Variants in DIAPH1 observed in about 807,000 individuals in gnomAD.
DIAPH1 encodes the protein diaphanous related formin 1.
Under a neutral mutation model 140.7 loss-of-function variants are expected in DIAPH1, and 46 were observed. That is an observed-to-expected ratio of 0.33 (90% CI 0.26 to 0.42). DIAPH1 has a LOEUF of 0.42. Among genes scored for constraint, DIAPH1 ranks in the 10% least tolerant of loss-of-function variants. The pLI is 1.00. For missense variants in DIAPH1, 1,310 were observed against 1,558.7 expected (o/e 0.84, Z 2.69); for synonymous variants, 565 against 551.6 (o/e 1.02, Z -0.34).
At chr5:141,541,750 A>C (rs1280350665) in intron 18 of DIAPH1, among the ~76,000 whole-genome samples, 1 of 151,990 alleles carries the variant, frequency 6.6e-6, no homozygotes, top group Non-Finnish European at 1.5e-5. Flanking sequence ...TAGAAAGAGA[A>C]ATAAAGTACC....
rs752879485 is a variant in DIAPH1, at chr5:141,574,958, A to AG, written c.1641+8dup. Reference sequence around the variant, plus strand: ...ACAGGTCATTCTGCCTTCCCTGCTCAGGCATTACCTCTCCTGTGAGCTGGG... The same window carrying AG: ...ACAGGTCATTCTGCCTTCCCTGCTCAGGGCATTACCTCTCCTGTGAGCTGGG... On this transcript the variant is annotated intron_variant, in intron 15 of 27. Transcript: ENST00000389054. The AG allele has an allele frequency of 6.2e-7, 1 of 1,614,012 alleles. No homozygotes were observed. Among genetic ancestry groups the AG allele is most frequent in the African/African-American group, 1.3e-5 (1 of 74,914 alleles).
intron 27 of DIAPH1, among the ~76,000 whole-genome samples, chr5:141,523,727 C>T (rs537406096): frequency 9.9e-5 from 15 of 151,166 alleles, no homozygotes; most frequent in East Asian, 7.8e-4. Flanking sequence ...GTTCTCTCTA[C>T]GTATGTCTTC....
At position 141,528,925 on chromosome 5, in the gene DIAPH1, C is replaced by A. The variant is rs370578225; in HGVS notation, c.2795G>T (p.Arg932Leu). 1.1e-4 allele frequency: 179 copies of A among 1,613,646 alleles called. No individual in the cohort carries two copies. The highest frequency in any genetic ancestry group is 1.4e-4 in the Non-Finnish European group (169 of 1,180,044). ...QFGVVMGTVP[R>L]LRPRLNAILF... is the part of the protein sequence containing the mutation. ...AATGGCATTGAGGCGAGGCCGCAGTCGGGGCACAGTGCCCATCTAGTAAAG... is the reference window on the plus strand; with the variant it reads ...AATGGCATTGAGGCGAGGCCGCAGTAGGGGCACAGTGCCCATCTAGTAAAG... Residue 932 changes from arginine (R) to leucine (L), a missense_variant, in exon 22 of 28, where the codon CGA becomes CTA. Arg to Leu is a moderately radical substitution (Grantham distance 102, BLOSUM62 -2). Transcript: ENST00000389054.
At chr5:141,598,380 G>A (rs1428145713) in intron 1 of DIAPH1, among the ~76,000 whole-genome samples, 1 of 152,170 alleles carries the variant, frequency 6.6e-6, no homozygotes, top group Non-Finnish European at 1.5e-5. Context: ...AGAATTGCAT[G>A]TATTAAAATG....
chr5:141,611,925 G>C (rs577154070), intron 1 of DIAPH1, among the ~76,000 whole-genome samples: 1 of 152,230 alleles, frequency 6.6e-6, no homozygotes, highest in East Asian at 1.9e-4. Flanking sequence ...AAATTAGCTG[G>C]GTGTGGTGGC....
At chr5:141,610,759 G>A (rs891768267) in intron 1 of DIAPH1, among the ~76,000 whole-genome samples, 1 of 151,800 alleles carries the variant, frequency 6.6e-6, no homozygotes, top group Non-Finnish European at 1.5e-5. Context: ...CTAGCGAGAC[G>A]TCATTTCTAC....
chr5:141,536,975 G>A (rs918139104), intron 18 of DIAPH1, among the ~76,000 whole-genome samples: 1 of 152,014 alleles, frequency 6.6e-6, no homozygotes, highest in Non-Finnish European at 1.5e-5. Flanking sequence ...TTTGAGACAA[G>A]CTTGGGCAAC....
At chr5:141,588,306 G>A in intron 1 of DIAPH1, 56 bp from the exon 2 acceptor site, 2 of 1,361,830 alleles carry the variant, frequency 1.5e-6, no homozygotes, top group Admixed American at 1.7e-5. Flanking sequence ...GAAGTACAAG[G>A]AAACCTCCCA....
chr5:141,611,513 A>G (rs2099901841), intron 1 of DIAPH1, among the ~76,000 whole-genome samples: 1 of 152,306 alleles, frequency 6.6e-6, no homozygotes, highest in East Asian at 1.9e-4. Context: ...CCATGACTGC[A>G]CTACTGCATT....
At chr5:141,574,611 A>T (rs1451946146) in intron 15 of DIAPH1, among the ~76,000 whole-genome samples, 1 of 152,202 alleles carries the variant, frequency 6.6e-6, no homozygotes, top group African/African-American at 2.4e-5. Context: ...CTGCAGAGAG[A>T]GTGTGTAAGG....
At chr5:141,580,711 A>C in intron 8 of DIAPH1, 33 bp downstream of exon 8, 1 of 1,611,920 alleles carries the variant, frequency 6.2e-7, no homozygotes, top group Non-Finnish European at 8.5e-7. Context: ...ATAAAATTGA[A>C]AATGGAGAAG....
At chr5:141,586,144 C>G (rs2099897508) in intron 3 of DIAPH1, among the ~76,000 whole-genome samples, 1 of 152,172 alleles carries the variant, frequency 6.6e-6, no homozygotes, top group South Asian at 2.1e-4. Context: ...GCCTGCTTAC[C>G]TTATTTATAC....
rs201414745 is a variant in DIAPH1, at chr5:141,570,143, A to AAGAT, written c.2482+1281_2482+1284dup. On this transcript the variant is annotated intron_variant, in intron 18 of 27. Coordinates refer to ENST00000389054, the MANE Select transcript of DIAPH1 (RefSeq NM_005219.5). ...TAGGAATACAAATGCACCAAATAAA[A>AAGAT]AGATGGGGATGGGGGTGGGGGGAGA... Among the ~76,000 whole-genome samples the AAGAT allele has an allele frequency of 3.8e-3, 574 of 151,938 alleles. 4 individuals are homozygous for AAGAT. Among genetic ancestry groups the AAGAT allele is most frequent in the Admixed American group, 0.011 (165 of 15,276 alleles).
At chr5:141,529,748 T>C (rs754460546) in intron 19 of DIAPH1, 51 bp from the exon 20 acceptor site, 1 of 1,487,980 alleles carries the variant, frequency 6.7e-7, no homozygotes. Context: ...TGTTCCCGCT[T>C]CCAACCCATC....
At position 141,517,018 on chromosome 5, in the gene DIAPH1, A is replaced by G. The variant is rs925999346; in HGVS notation, c.3662-10T>C. The G allele has an allele frequency of 6.2e-6, 10 of 1,614,006 alleles. No homozygotes were observed. The East Asian group carries it at 2.0e-4, about 32-fold the overall frequency. ...CCGGCCTTCCTGTTGGCTGCAAGAG[A>G]AGACGAGAGATTCTGTCTATGGAAG... On this transcript the variant is annotated splice_polypyrimidine_tract_variant and intron_variant, in intron 27 of 27. Transcript: ENST00000389054.
At chr5:141,609,252 T>A (rs2099901439) in intron 1 of DIAPH1, among the ~76,000 whole-genome samples, 1 of 151,618 alleles carries the variant, frequency 6.6e-6, no homozygotes, top group Non-Finnish European at 1.5e-5. Context: ...AACTGAACTC[T>A]AGGAGAATCC....
intron 27 of DIAPH1, among the ~76,000 whole-genome samples, chr5:141,523,694 A>G (rs2099886889): frequency 6.6e-6 from 1 of 151,400 alleles, no homozygotes; most frequent in African/African-American, 2.4e-5. Flanking sequence ...CCTGTCTACA[A>G]AATTTTATAC....
At chr5:141,526,589 C>A in intron 24 of DIAPH1, 128 bp from the exon 25 acceptor site, 1 of 1,101,104 alleles carries the variant, frequency 9.1e-7, no homozygotes. Flanking sequence ...TTTATAACAG[C>A]AAAAACCAAA....
chr5:141,589,394 T>C (rs983954324), intron 1 of DIAPH1, among the ~76,000 whole-genome samples: 2 of 152,140 alleles, frequency 1.3e-5, no homozygotes, highest in Admixed American at 1.3e-4. Context: ...AGAAGACAAA[T>C]AATTGTGTAT....
Sources: allele counts gnomAD v4.1 joint callset (sites outside exome capture counted in the v4.1 genomes callset), GRCh38; gene constraint gnomAD v4.1.1; transcripts MANE v1.5; gene names NCBI Gene and HGNC (gene_info 2026-07-23, HGNC 2026-07-21).